Variants in AKT3 observed in about 807,000 individuals in gnomAD.
AKT3 encodes the protein RAC-gamma serine/threonine-protein kinase.
Under a neutral mutation model 65.3 loss-of-function variants are expected in AKT3, and 15 were observed. That is an observed-to-expected ratio of 0.23 (90% confidence interval 0.15 to 0.35). The LOEUF (loss-of-function observed/expected upper bound fraction) is 0.35, where lower values mean the gene tolerates loss of function less well. Among genes scored for constraint, AKT3 ranks in the 10% least tolerant of loss-of-function variants. AKT3 has a pLI of 1.00. For missense variants in AKT3, 243 were observed against 576.5 expected (o/e 0.42, Z 5.92); for synonymous variants, 206 against 183.8 (o/e 1.12, Z -0.98).
At chr1:243,725,444 A>G (rs1486207797) in intron 2 of AKT3, among the ~76,000 whole-genome samples, 2 of 152,168 alleles carry the variant, frequency 1.3e-5, no homozygotes, top group African/African-American at 4.8e-5. Flanking sequence ...AAAAAAAATT[A>G]TAACACCACT....
rs139017665 is a variant in AKT3, at chr1:243,616,511, A to G, written c.562-1350T>C. On this transcript the variant is annotated intron_variant, in intron 6 of 13. Transcript: ENST00000673466. ...GATAATGTTTCATATTTCAAAAGTA[A>G]CACTATCTTAAAGAAGAAACGAAAG... Among the ~76,000 whole-genome samples the G allele has an allele frequency of 4.7e-4, 72 of 152,252 alleles. 2 individuals carry two copies. In the East Asian group the frequency reaches 0.014, roughly 29 times the overall value.
intron 2 of AKT3, among the ~76,000 whole-genome samples, chr1:243,787,269 T>C (rs942766691): frequency 6.6e-6 from 1 of 152,226 alleles, no homozygotes; most frequent in Non-Finnish European, 1.5e-5. Flanking sequence ...AATTTTGATC[T>C]AGAAAAATAT....
chr1:243,573,202 C>T (rs914262280), intron 8 of AKT3, among the ~76,000 whole-genome samples, 154 bp from the exon 9 acceptor site: 1 of 152,120 alleles, frequency 6.6e-6, no homozygotes, highest in Non-Finnish European at 1.5e-5. Context: ...GCTGGCTTAT[C>T]TTTTCCAGGT....
At chr1:243,583,003 A>C (rs1675487974) in intron 8 of AKT3, among the ~76,000 whole-genome samples, 1 of 150,810 alleles carries the variant, frequency 6.6e-6, no homozygotes, top group Admixed American at 6.6e-5. Flanking sequence ...CAGCAGTTAA[A>C]AAAAAAAAAG....
At chr1:243,625,986 C>T (rs1369618225) in intron 6 of AKT3, among the ~76,000 whole-genome samples, 2 of 152,218 alleles carry the variant, frequency 1.3e-5, no homozygotes, top group Non-Finnish European at 2.9e-5. Context: ...CCAAGTGGCA[C>T]TCCTCCATAG....
At chr1:243,517,264 T>C (rs960771390) in intron 12 of AKT3, among the ~76,000 whole-genome samples, 1 of 152,206 alleles carries the variant, frequency 6.6e-6, no homozygotes, top group Non-Finnish European at 1.5e-5. Context: ...TCTGTGACCT[T>C]GAGAAAAATA....
At chr1:243,610,133 C>T (rs1409372338) in intron 8 of AKT3, among the ~76,000 whole-genome samples, 1 of 152,122 alleles carries the variant, frequency 6.6e-6, no homozygotes, top group Non-Finnish European at 1.5e-5. Flanking sequence ...AAAAGATATC[C>T]TCTCCTAAAT....
intron 5 of AKT3, among the ~76,000 whole-genome samples, chr1:243,641,384 CAG>C (rs1680389148): frequency 6.7e-6 from 1 of 149,510 alleles, no homozygotes; most frequent in Admixed American, 6.6e-5. Flanking sequence ...GCAAGTAACT[CAG>C]AAACATTATT....
intron 2 of AKT3, among the ~76,000 whole-genome samples, chr1:243,702,117 A>G (rs1483618331): frequency 6.6e-6 from 1 of 151,934 alleles, no homozygotes; most frequent in Non-Finnish European, 1.5e-5. Flanking sequence ...TGCAAAAAAA[A>G]AAAAAAAAAA....
At chr1:243,557,668 A>G (rs1297698637) in intron 10 of AKT3, among the ~76,000 whole-genome samples, 1 of 152,076 alleles carries the variant, frequency 6.6e-6, no homozygotes, top group Non-Finnish European at 1.5e-5. Context: ...GCCAACTCAT[A>G]TGAGAGTTAG....
intron 2 of AKT3, among the ~76,000 whole-genome samples, chr1:243,749,762 AT>A (rs1260616183): frequency 1.3e-5 from 2 of 152,200 alleles, no homozygotes; most frequent in Non-Finnish European, 2.9e-5. Context: ...TTATCAAAAA[AT>A]AACTCAGAAG....
At chr1:243,849,700 G>A (rs1201375935) in intron 1 of AKT3, among the ~76,000 whole-genome samples, 30 of 151,682 alleles carry the variant, frequency 2.0e-4, no homozygotes, top group Non-Finnish European at 2.9e-4. Flanking sequence ...AGCAGGCGCC[G>A]GGCCGGGGCA....
intron 13 of AKT3, among the ~76,000 whole-genome samples, chr1:243,508,816 C>A (rs1420878625): frequency 6.6e-6 from 1 of 151,990 alleles, no homozygotes; most frequent in African/African-American, 2.4e-5. Flanking sequence ...CAGGAATGCA[C>A]CACCACGTCT....
intron 2 of AKT3, among the ~76,000 whole-genome samples, chr1:243,726,043 TTAATGTCTGGAATTTCATACCTCCAAC>T (rs1687189270): frequency 1.2e-5 from 1 of 86,638 alleles, no homozygotes; most frequent in South Asian, 3.6e-4. Flanking sequence ...GCCTCCAACA[TTAATGTCTGGAATTTCATACCTCCAAC>T]ATTAATGTCT....
chr1:243,658,241 A>G (rs988492617), intron 4 of AKT3, among the ~76,000 whole-genome samples: 4 of 152,230 alleles, frequency 2.6e-5, no homozygotes, highest in East Asian at 1.9e-4. Context: ...GGGAACTCCT[A>G]TAACTCAGTA....
chr1:243,577,417 G>A (rs1675021259), intron 8 of AKT3, among the ~76,000 whole-genome samples: 1 of 152,112 alleles, frequency 6.6e-6, no homozygotes, highest in Non-Finnish European at 1.5e-5. Flanking sequence ...AAAGCGCTGG[G>A]ATTACAGGCA....
At position 243,500,359 on chromosome 1, in the gene AKT3, TAAAC is replaced by T. The variant is rs761918810; in HGVS notation, c.*4886_*4889del. The T allele has an allele frequency of 5.8e-5, 13 of 225,178 alleles. No individual in the cohort carries two copies. Among genetic ancestry groups the T allele is most frequent in the Non-Finnish European group, 9.7e-5 (11 of 113,278 alleles). The allele number at this position is 225,178 out of a possible 1,614,324, so 13.9% of individuals were successfully genotyped here. ...CTATGCATTACTCTTTCCATTCTGTTAAACAACGAAAACAGACAAAAAAGCATCT... is the reference window on the plus strand; with the variant it reads ...CTATGCATTACTCTTTCCATTCTGTTAACGAAAACAGACAAAAAAGCATCT... On this transcript the variant is annotated 3_prime_UTR_variant, in exon 14 of 14. Coordinates refer to ENST00000673466, the MANE Select transcript of AKT3 (RefSeq NM_005465.7).
At chr1:243,848,960 A>G (rs928908186) in intron 1 of AKT3, among the ~76,000 whole-genome samples, 1 of 152,220 alleles carries the variant, frequency 6.6e-6, no homozygotes, top group African/African-American at 2.4e-5. Flanking sequence ...CTTGTGGGTA[A>G]GCATTTCCTC....
chr1:243,579,078 T>C (rs1675148253), intron 8 of AKT3, among the ~76,000 whole-genome samples: 1 of 152,212 alleles, frequency 6.6e-6, no homozygotes, highest in South Asian at 2.1e-4. Context: ...CAGAGGGAAC[T>C]AGCTTTTACC....
Sources: allele counts gnomAD v4.1 joint callset (sites outside exome capture counted in the v4.1 genomes callset), GRCh38; gene constraint gnomAD v4.1.1; transcripts MANE v1.5; gene names NCBI Gene and HGNC (gene_info 2026-07-23, HGNC 2026-07-21).